Variants in MRPL1 observed in about 807,000 individuals in gnomAD.
The protein encoded by MRPL1 is large ribosomal subunit protein uL1m.
A neutral mutation model predicts 38.0 loss-of-function variants in MRPL1; 28 were observed. That is an observed-to-expected ratio of 0.74 (90% CI 0.55 to 1.01). MRPL1 has a LOEUF of 1.01. Among genes scored for constraint, MRPL1 ranks in the 50% least tolerant of loss-of-function variants. MRPL1 has a pLI of 0.00. For synonymous variants in MRPL1, 123 were observed against 126.7 expected, an observed-to-expected ratio of 0.97 and a Z score of 0.20; for missense variants, 358 against 389.8, an observed-to-expected ratio of 0.92 and a Z score of 0.69.
At chr4:77,937,868 A>G (rs1737024230) in intron 7 of MRPL1, among the ~76,000 whole-genome samples, 1 of 152,222 alleles carries the variant, frequency 6.6e-6, no homozygotes, top group Admixed American at 6.5e-5. Context: ...TTAAATGACA[A>G]TGCATTTCTT....
At chr4:77,947,319 T>C (rs17450307) in intron 7 of MRPL1, among the ~76,000 whole-genome samples, 3,839 of 152,342 alleles carry the variant, frequency 0.025, 66 homozygotes, top group Middle Eastern at 0.051. Flanking sequence ...ATAACTGTTT[T>C]GTCTTGCAGT....
intron 3 of MRPL1, among the ~76,000 whole-genome samples, chr4:77,883,835 C>T (rs1192289660): frequency 2.0e-5 from 3 of 152,258 alleles, no homozygotes; most frequent in Middle Eastern, 6.8e-3. Flanking sequence ...TCCTTGGCCT[C>T]CCAAAGTGCT....
chr4:77,936,278 A>T (rs571501448), intron 7 of MRPL1, among the ~76,000 whole-genome samples: 1 of 152,088 alleles, frequency 6.6e-6, no homozygotes, highest in East Asian at 1.9e-4. Context: ...AAGTATTTTA[A>T]TAGCTGTTTC....
intron 7 of MRPL1, among the ~76,000 whole-genome samples, chr4:77,927,016 C>G (rs1238940194): frequency 6.6e-6 from 1 of 151,466 alleles, no homozygotes; most frequent in Non-Finnish European, 1.5e-5. Context: ...TTTTTCATTT[C>G]TATTTTCTTC....
rs113705571 is a variant in MRPL1 at position 77,886,992 on chromosome 4, T to C, written c.487-228T>C. On this transcript the variant is annotated intron_variant, in intron 4 of 8. Transcript: ENST00000315567. The stretch of plus-strand genomic sequence containing the variant: ...ATTTTTAGTAGAGACAGTTTTGCCA[T>C]GTTGGCCAGGCTAGTCTTGAACTCC... Among the ~76,000 whole-genome samples, 433 of 152,102 alleles carry C rather than the reference T, an allele frequency of 2.8e-3. 3 individuals carry two copies. Among genetic ancestry groups the C allele is most frequent in the Middle Eastern group, 0.014 (4 of 294 alleles).
At chr4:77,925,809 T>C (rs1362209288) in intron 7 of MRPL1, among the ~76,000 whole-genome samples, 1 of 152,130 alleles carries the variant, frequency 6.6e-6, no homozygotes, top group African/African-American at 2.4e-5. Flanking sequence ...TTTGGGAGAG[T>C]ATTTTATACT....
At chr4:77,932,608 T>C (rs945174915) in intron 7 of MRPL1, among the ~76,000 whole-genome samples, 1 of 151,864 alleles carries the variant, frequency 6.6e-6, no homozygotes, top group Admixed American at 6.6e-5. Context: ...ACAGAGTAGA[T>C]TGGACATAAG....
intron 7 of MRPL1, among the ~76,000 whole-genome samples, chr4:77,948,014 T>G (rs1440295696): frequency 6.6e-6 from 1 of 152,196 alleles, no homozygotes; most frequent in Non-Finnish European, 1.5e-5. Context: ...GTTTTATATT[T>G]CTGAAACATT....
chr4:77,879,172 A>G (rs1735472157), intron 2 of MRPL1, among the ~76,000 whole-genome samples: 1 of 152,232 alleles, frequency 6.6e-6, no homozygotes, highest in South Asian at 2.1e-4. Context: ...TTGCATGAAC[A>G]ACAAAGTTCT....
At chr4:77,870,756 T>C (rs1338325564) in intron 1 of MRPL1, among the ~76,000 whole-genome samples, 1 of 152,206 alleles carries the variant, frequency 6.6e-6, no homozygotes, top group African/African-American at 2.4e-5. Context: ...TTTTGTAATC[T>C]TTAAATAAAA....
chr4:77,933,420 GA>G (rs1736891921), intron 7 of MRPL1, among the ~76,000 whole-genome samples: 1 of 152,166 alleles, frequency 6.6e-6, no homozygotes, highest in South Asian at 2.1e-4. Context: ...TGGCAGAGCT[GA>G]AAAGGTGAGC....
chr4:77,940,984 A>G (rs1165358171), intron 7 of MRPL1, among the ~76,000 whole-genome samples: 1 of 152,180 alleles, frequency 6.6e-6, no homozygotes, highest in African/African-American at 2.4e-5. Flanking sequence ...GGCTGGGTGC[A>G]GTGGCTCAAT....
chr4:77,922,888 G>C (rs1048960815), intron 7 of MRPL1, among the ~76,000 whole-genome samples: 6 of 152,178 alleles, frequency 3.9e-5, no homozygotes, highest in African/African-American at 1.4e-4. Flanking sequence ...CTGTGTAATA[G>C]GTCATTGGAT....
At chr4:77,901,037 G>A (rs1030647631) in intron 6 of MRPL1, among the ~76,000 whole-genome samples, 7 of 152,110 alleles carry the variant, frequency 4.6e-5, no homozygotes, top group Non-Finnish European at 7.4e-5. Flanking sequence ...CCTAATTTTG[G>A]TCTTGAGTAG....
chr4:77,919,847 ATATG>A (rs1349004821), intron 7 of MRPL1, among the ~76,000 whole-genome samples: 2 of 144,762 alleles, frequency 1.4e-5, no homozygotes, highest in African/African-American at 5.4e-5. Flanking sequence ...ATATATATAT[ATATG>A]TGTGTGTGTG....
At chr4:77,917,345 G>C (rs1736445563) in intron 7 of MRPL1, among the ~76,000 whole-genome samples, 1 of 152,078 alleles carries the variant, frequency 6.6e-6, no homozygotes, top group African/African-American at 2.4e-5. Flanking sequence ...TTGTAAAATT[G>C]AAGTGTTCAC....
chr4:77,869,151 G>A (rs28436599), intron 1 of MRPL1, among the ~76,000 whole-genome samples: 78,712 of 151,836 alleles, frequency 0.52, 20,862 homozygotes, highest in Admixed American at 0.57. Context: ...TATAGAGTCA[G>A]GTGAGAAGGC....
chr4:77,874,864 C>T (rs532579536), intron 2 of MRPL1, among the ~76,000 whole-genome samples: 1 of 151,156 alleles, frequency 6.6e-6, no homozygotes, highest in Admixed American at 6.6e-5. Context: ...TCACTGCAAC[C>T]TCCGCCTCCC....
chr4:77,931,474 A>G (rs990127331), intron 7 of MRPL1, among the ~76,000 whole-genome samples: 21 of 152,252 alleles, frequency 1.4e-4, no homozygotes, highest in Non-Finnish European at 1.9e-4. Context: ...CACAATTGTT[A>G]GAGAGGATTA....
Sources: allele counts gnomAD v4.1 joint callset (sites outside exome capture counted in the v4.1 genomes callset), GRCh38; gene constraint gnomAD v4.1.1; transcripts MANE v1.5; gene names NCBI Gene and HGNC (gene_info 2026-07-23, HGNC 2026-07-21).